Variants in OR10J1 observed in about 807,000 individuals in gnomAD.
The protein encoded by OR10J1 is olfactory receptor family 10 subfamily J member 1, also known as olfactory receptor 10J1.
For synonymous variants in OR10J1, 202 were observed against 143.8 expected, an observed-to-expected ratio of 1.40 and a Z score of -2.89; for missense variants, 474 against 376.6, an observed-to-expected ratio of 1.26 and a Z score of -2.14.
chr1:159,412,063 A>G, the OR10J1 span, among the ~76,000 whole-genome samples: 1 of 152,116 alleles, frequency 6.6e-6, no homozygotes. Context: ...AGAGAGCTAA[A>G]TCATGAGTGA....
chr1:159,432,158 T>G, the OR10J1 span: 8 of 400,290 alleles, frequency 2.0e-5, no homozygotes, highest in Non-Finnish European at 3.1e-5. Flanking sequence ...CCAGCCTGGA[T>G]GCTCAACATT....
chr1:159,439,921 A>G lies in OR10J1; in HGVS notation c.130A>G (p.Ile44Val), dbSNP rs750633078. Residue 44 changes from isoleucine to valine, a missense_variant, in exon 1 of 1, where the codon ATC becomes GTC. Coordinates refer to ENST00000423932, the MANE Select transcript of OR10J1 (RefSeq NM_012351.3). Reference protein sequence around the residue: ...LYILTLAGNIIIVTIIRMDLH... With the variant: ...LYILTLAGNIVIVTIIRMDLH... ...CATCTTAACCTTAGCAGGCAATATC[A>G]TCATTGTGACCATCATCCGAATGGA... The G allele has an allele frequency of 3.1e-6, 5 of 1,614,014 alleles. No homozygotes were observed. Among genetic ancestry groups the G allele is most frequent in the Non-Finnish European group, 4.2e-6 (5 of 1,179,910 alleles).
chr1:159,410,392 T>C, the OR10J1 span, among the ~76,000 whole-genome samples: 8 of 152,184 alleles, frequency 5.3e-5, no homozygotes, highest in Non-Finnish European at 8.8e-5. Flanking sequence ...AATTGGTCTA[T>C]TCAGAGATTC....
chr1:159,423,468 A>AGCAG, the OR10J1 span, among the ~76,000 whole-genome samples: 3 of 152,210 alleles, frequency 2.0e-5, no homozygotes, highest in Admixed American at 6.5e-5. Context: ...TGGAGCAAAG[A>AGCAG]GCAGGCAGGC....
chr1:159,428,340 T>C, the OR10J1 span, among the ~76,000 whole-genome samples: 4 of 152,126 alleles, frequency 2.6e-5, no homozygotes, highest in African/African-American at 7.2e-5. Context: ...CCTAAACCCA[T>C]CTTTCTTCAG....
the OR10J1 span, among the ~76,000 whole-genome samples, chr1:159,417,108 T>C: frequency 1.2e-4 from 19 of 152,164 alleles, no homozygotes; most frequent in Non-Finnish European, 2.4e-4. Flanking sequence ...TCTACTAATT[T>C]TGAATTTGTT....
chr1:159,433,261 T>A, upstream of OR10J1: 2 of 396,862 alleles, frequency 5.0e-6, no homozygotes, highest in Non-Finnish European at 8.9e-6. Context: ...CATCTAGGAA[T>A]CTATTCCCCT....
the OR10J1 span, among the ~76,000 whole-genome samples, chr1:159,431,127 C>T: frequency 1.9e-4 from 29 of 152,068 alleles, no homozygotes; most frequent in African/African-American, 7.0e-4. Context: ...GTATTAAACG[C>T]ATAATATTTG....
chr1:159,403,184 T>C, the OR10J1 span, among the ~76,000 whole-genome samples: 1 of 151,968 alleles, frequency 6.6e-6, no homozygotes, highest in African/African-American at 2.4e-5. Flanking sequence ...GGAAAATCTC[T>C]AGGACATTAT....
At chr1:159,433,902 G>A (rs1655662011), upstream of OR10J1, among the ~76,000 whole-genome samples, 1 of 152,034 alleles carries the variant, frequency 6.6e-6, no homozygotes, top group African/African-American at 2.4e-5. Context: ...AAAGAAGGAA[G>A]GAAGGAAAGA....
At chr1:159,400,045 A>G in the OR10J1 span, among the ~76,000 whole-genome samples, 1 of 152,134 alleles carries the variant, frequency 6.6e-6, no homozygotes, top group East Asian at 1.9e-4. Context: ...ATAAAAAAGG[A>G]AGAAACTAAA....
the OR10J1 span, among the ~76,000 whole-genome samples, chr1:159,399,338 G>A: frequency 2.0e-5 from 3 of 152,130 alleles, no homozygotes; most frequent in African/African-American, 4.8e-5. Context: ...TTGGGAGGCT[G>A]AGGCGGGCAG....
At chr1:159,432,197 C>A in the OR10J1 span, 2 of 400,646 alleles carry the variant, frequency 5.0e-6, no homozygotes, top group Non-Finnish European at 8.8e-6. Context: ...GACTCAGATT[C>A]TCCTCAATGC....
chr1:159,422,140 T>C, the OR10J1 span, among the ~76,000 whole-genome samples: 6 of 152,084 alleles, frequency 3.9e-5, 1 homozygote, highest in Non-Finnish European at 2.9e-5. Flanking sequence ...CCAAACACTG[T>C]TAGGCTGGGC....
At chr1:159,401,302 T>C in the OR10J1 span, among the ~76,000 whole-genome samples, 2 of 151,718 alleles carry the variant, frequency 1.3e-5, no homozygotes, top group African/African-American at 4.8e-5. Context: ...AAAAGATCAA[T>C]GTAATAAAAG....
chr1:159,420,411 CTTG>C, the OR10J1 span, among the ~76,000 whole-genome samples: 2 of 151,940 alleles, frequency 1.3e-5, no homozygotes, highest in African/African-American at 4.8e-5. Context: ...TTCTTTCTCT[CTTG>C]TTGTTTATTA....
the OR10J1 span, among the ~76,000 whole-genome samples, chr1:159,429,516 T>C: frequency 1.3e-5 from 2 of 152,174 alleles, no homozygotes; most frequent in Admixed American, 1.3e-4. Flanking sequence ...TCCAGGACCT[T>C]ATGCTGATGC....
the OR10J1 span, among the ~76,000 whole-genome samples, chr1:159,408,219 T>G: frequency 5.9e-5 from 9 of 152,066 alleles, no homozygotes; most frequent in East Asian, 1.7e-3. Context: ...CCAACCCAAA[T>G]GTCCAACAAT....
chr1:159,414,356 T>C, the OR10J1 span, among the ~76,000 whole-genome samples: 3 of 152,072 alleles, frequency 2.0e-5, no homozygotes, highest in African/African-American at 7.2e-5. Flanking sequence ...AATTTTTCTT[T>C]TTGTGTCTGG....
Sources: gnomAD v4.1 joint callset for allele counts (sites outside exome capture counted in the v4.1 genomes callset) on GRCh38, gnomAD v4.1.1 for gene constraint, MANE v1.5 for transcripts, NCBI Gene and HGNC (gene_info 2026-07-23, HGNC 2026-07-21) for gene names.